MEGF6: variants seen among roughly 807,000 people sequenced by gnomAD.
MEGF6 encodes the protein multiple EGF like domains 6.
In MEGF6, 184 loss-of-function variants were observed where a neutral mutation model predicts 207.1. The ratio of observed to expected loss-of-function variants is 0.89; its 90% CI spans 0.79 to 1.00. The LOEUF is 1.00. Among genes scored for constraint, MEGF6 ranks in the 50% least tolerant of loss-of-function variants. The pLI is 0.00. For missense variants in MEGF6, 2,282 were observed against 2,202.9 expected (o/e 1.04, Z -0.72); for synonymous variants, 1,038 against 910.0 (o/e 1.14, Z -2.53).
At position 3,498,474 on chromosome 1, in the gene MEGF6, A is replaced by G; in HGVS notation, c.3249T>C (p.Ala1083=). The G allele has an allele frequency of 6.3e-7, 1 of 1,582,542 alleles. No homozygotes were observed. The highest frequency in any genetic ancestry group is 8.6e-7 in the Non-Finnish European group (1 of 1,166,444). ...GGCAACCGCCGCTGTGCCGGCAGCCAGCTCTGACGTCCCGGGGGAGGCACT... is the reference window on the plus strand; with the variant it reads ...GGCAACCGCCGCTGTGCCGGCAGCCGGCTCTGACGTCCCGGGGGAGGCACT... The part of the protein sequence containing the change: ...EKECLPRDVR[A]GCRHSGGCLN... The change falls in exon 26 of 37, where the codon GCT becomes GCC. Residue 1083 remains alanine, a synonymous_variant. Coordinates refer to ENST00000356575, the MANE Select transcript of MEGF6 (RefSeq NM_001409.4).
chr1:3,581,363 C>G (rs1216065007), intron 3 of MEGF6, among the ~76,000 whole-genome samples: 1 of 152,208 alleles, frequency 6.6e-6, no homozygotes, highest in Middle Eastern at 3.2e-3. Context: ...TCAGGCCCTA[C>G]CAGCCTCTTC....
chr1:3,508,707 TG>T lies in MEGF6; in HGVS notation c.1529-19del, dbSNP rs759436264. ...CAGGCAGACTGGGGGCAGACCAGGA[TG>T]GGGGGATTCAGAGCCTGACCCCTGG... On this transcript the variant is annotated intron_variant, in intron 12 of 36. Transcript: ENST00000356575. The T allele has an allele frequency of 1.9e-5, 31 of 1,611,608 alleles. No individual in the cohort carries two copies. The highest frequency in any genetic ancestry group is 2.5e-5 in the Non-Finnish European group (30 of 1,179,190).
chr1:3,555,020 C>T (rs1237820754), intron 4 of MEGF6, among the ~76,000 whole-genome samples: 2 of 152,188 alleles, frequency 1.3e-5, no homozygotes, highest in African/African-American at 2.4e-5. Flanking sequence ...CTGCCCGGCC[C>T]TCTCCCGTCC....
At position 3,499,056 on chromosome 1, in the gene MEGF6, A is replaced by AGG; in HGVS notation, c.3094+81_3094+82insCC. 3 of 1,539,984 alleles carry AGG rather than the reference A, an allele frequency of 1.9e-6. No homozygotes were observed. In the South Asian group the frequency reaches 3.5e-5, roughly 18 times the overall value. On this transcript the variant is annotated intron_variant, in intron 24 of 36. Transcript: ENST00000356575. ...CCCCTTCCTCCCTCCCCCAGGCACC[A>AGG]AGTGTCCTGTGGGCCCTGCAAGAGG...
chr1:3,555,316 G>T (rs572157640), intron 4 of MEGF6, among the ~76,000 whole-genome samples: 2 of 152,292 alleles, frequency 1.3e-5, no homozygotes, highest in South Asian at 4.1e-4. Context: ...TGGAAGCCAG[G>T]TGCCCAAAGG....
intron 3 of MEGF6, among the ~76,000 whole-genome samples, chr1:3,580,730 G>A (rs1392969391): frequency 6.6e-6 from 1 of 151,944 alleles, no homozygotes; most frequent in African/African-American, 2.4e-5. Context: ...GTTACTACTT[G>A]GGAGGGCAGG....
At chr1:3,564,849 T>C (rs2101660809) in intron 4 of MEGF6, among the ~76,000 whole-genome samples, 1 of 151,540 alleles carries the variant, frequency 6.6e-6, no homozygotes, top group Non-Finnish European at 1.5e-5. Context: ...AGACCTCCCC[T>C]CCTGTGAGGC....
chr1:3,623,234 T>C, the MEGF6 span: 1 of 151,894 alleles, frequency 6.6e-6, no homozygotes, highest in Non-Finnish European at 1.5e-5. Context: ...CTGGTTCCAG[T>C]TGCCCATCAC....
intron 2 of MEGF6, among the ~76,000 whole-genome samples, chr1:3,601,566 G>C (rs12046758): frequency 6.6e-6 from 1 of 152,132 alleles, no homozygotes; most frequent in African/African-American, 2.4e-5. Context: ...CCTGTGTGCT[G>C]AGATGCTCAG....
At position 3,508,692 on chromosome 1, in the gene MEGF6, G is replaced by A. The variant is rs1345857659; in HGVS notation, c.1529-3C>T. 7.4e-6 allele frequency: 12 copies of A among 1,612,842 alleles called. No homozygotes were observed. The highest frequency in any genetic ancestry group is 1.0e-5 in the Non-Finnish European group (12 of 1,179,742). On this transcript the variant is annotated splice_polypyrimidine_tract_variant and splice_region_variant and intron_variant, in intron 12 of 36. Coordinates refer to ENST00000356575, the MANE Select transcript of MEGF6 (RefSeq NM_001409.4). ...GCCAAAGGAGTCATCCAGGCAGACTGGGGGCAGACCAGGATGGGGGGATTC... is the reference window on the plus strand; with the variant it reads ...GCCAAAGGAGTCATCCAGGCAGACTAGGGGCAGACCAGGATGGGGGGATTC...
intron 3 of MEGF6, among the ~76,000 whole-genome samples, chr1:3,589,987 C>T (rs1643949772): frequency 6.6e-6 from 1 of 152,234 alleles, no homozygotes; most frequent in Non-Finnish European, 1.5e-5. Context: ...ACCACAGAAT[C>T]CCTTCCCAGT....
the MEGF6 span, among the ~76,000 whole-genome samples, chr1:3,617,622 CT>C: frequency 6.6e-6 from 1 of 152,076 alleles, no homozygotes; most frequent in East Asian, 1.9e-4. Flanking sequence ...ACATGGACCC[CT>C]GAACTTAAAA....
At chr1:3,555,396 C>T (rs557983887) in intron 4 of MEGF6, among the ~76,000 whole-genome samples, 3 of 152,278 alleles carry the variant, frequency 2.0e-5, no homozygotes, top group Non-Finnish European at 4.4e-5. Flanking sequence ...GGCTGACCCC[C>T]AAGCCGCTCT....
the MEGF6 span, among the ~76,000 whole-genome samples, chr1:3,618,778 T>C: frequency 1.4e-4 from 21 of 152,046 alleles, no homozygotes; most frequent in Non-Finnish European, 2.8e-4. The surrounding 1 kb of genome is among the most constrained non-coding windows in gnomAD (Gnocchi z 4.7). Flanking sequence ...CCTGGCTCCA[T>C]GGAGAAGGGA....
intron 4 of MEGF6, among the ~76,000 whole-genome samples, chr1:3,529,033 G>A (rs909657679): frequency 1.3e-5 from 2 of 152,156 alleles, no homozygotes; most frequent in Non-Finnish European, 2.9e-5. Context: ...CTGCCAGACC[G>A]GCCCCCCGAC....
intron 2 of MEGF6, among the ~76,000 whole-genome samples, 188 bp downstream of exon 2, chr1:3,602,278 G>T (rs1644172212): frequency 6.6e-6 from 1 of 152,224 alleles, no homozygotes; most frequent in African/African-American, 2.4e-5. Context: ...CAGCATGTGA[G>T]TAGCCCCATG....
At position 3,542,876 on chromosome 1, in the gene MEGF6, C is replaced by T. The variant is rs527785333; in HGVS notation, c.482-18630G>A. ...GCCTGGGCCATCCTGGAGGTGAGCT[C>T]GGGGCCAGGCAGCCCGGGCAGGAGC... is the stretch of plus-strand genomic sequence containing the variant. On this transcript the variant is annotated intron_variant, in intron 4 of 36. Coordinates refer to ENST00000356575, the MANE Select transcript of MEGF6 (RefSeq NM_001409.4). 1.8e-4 allele frequency among the ~76,000 whole-genome samples: 28 copies of T among 152,156 alleles called. No homozygotes were observed. The South Asian group carries it at 5.2e-3, about 28-fold the overall frequency.
chr1:3,514,942 T>C (rs1641488948), intron 6 of MEGF6, among the ~76,000 whole-genome samples: 1 of 152,144 alleles, frequency 6.6e-6, no homozygotes, highest in African/African-American at 2.4e-5. Flanking sequence ...TTAGCCCAGG[T>C]GCTGGCGCTG....
upstream of MEGF6, among the ~76,000 whole-genome samples, chr1:3,615,094 C>T (rs1408177668): frequency 1.3e-5 from 2 of 152,264 alleles, no homozygotes; most frequent in Non-Finnish European, 2.9e-5. Flanking sequence ...ACTGATAATT[C>T]CCATCCGTCA....
Sources: gnomAD v4.1 joint callset for allele counts (sites outside exome capture counted in the v4.1 genomes callset) on GRCh38, gnomAD v4.1.1 for gene constraint, Gnocchi (gnomAD v3.1) non-coding constraint, MANE v1.5 for transcripts, NCBI Gene and HGNC (gene_info 2026-07-23, HGNC 2026-07-21) for gene names.